GRAMD2B: variants seen among roughly 807,000 people sequenced by gnomAD.
GRAMD2B encodes GRAM domain-containing protein 2B.
Under a neutral mutation model 59.2 loss-of-function variants are expected in GRAMD2B, and 41 were observed. That is an observed-to-expected ratio of 0.69 (90% CI 0.54 to 0.90). GRAMD2B has a LOEUF of 0.90. Ranked by LOEUF, GRAMD2B falls within the 40% of genes least tolerant of loss-of-function variation. GRAMD2B has a pLI of 0.00. For synonymous variants in GRAMD2B, 161 were observed against 182.7 expected (o/e 0.88, Z 0.96); for missense variants, 424 against 500.5 (o/e 0.85, Z 1.46).
chr5:126,423,387 C>T (rs1580888816), upstream of GRAMD2B: 1 of 1,344,458 alleles, frequency 7.4e-7, no homozygotes, highest in East Asian at 3.2e-5. Flanking sequence ...TCCCTCTCGG[C>T]TTTTCCACAG....
At chr5:126,472,807 T>C (rs1428988825) in intron 4 of GRAMD2B, among the ~76,000 whole-genome samples, 1 of 152,174 alleles carries the variant, frequency 6.6e-6, no homozygotes, top group Non-Finnish European at 1.5e-5. Flanking sequence ...TAGCCTCTCT[T>C]GATGTGCAAA....
chr5:126,472,834 T>G (rs932367489), intron 4 of GRAMD2B, among the ~76,000 whole-genome samples: 21 of 152,222 alleles, frequency 1.4e-4, no homozygotes, highest in African/African-American at 4.8e-4. Context: ...GGCAAGATGC[T>G]GGGTTCCTGC....
intron 1 of GRAMD2B, among the ~76,000 whole-genome samples, chr5:126,392,680 T>C (rs1756937167): frequency 6.6e-6 from 1 of 152,172 alleles, no homozygotes; most frequent in African/African-American, 2.4e-5. Context: ...ATTCTTTTTC[T>C]TTTTTAAAAT....
Position 126,387,031 on chromosome 5 carries a change from C to T in GRAMD2B, c.125+15464C>T, listed in dbSNP as rs917899434. Among the ~76,000 whole-genome samples, 7 of 152,036 alleles carry T rather than the reference C, an allele frequency of 4.6e-5. 1 individual carries two copies. The highest frequency in any genetic ancestry group is 1.7e-4 in the African/African-American group (7 of 41,400). On this transcript the variant is annotated intron_variant, in intron 1 of 8. Transcript: ENST00000506445. ...AAGGGAAAACGAAAGGTGCATGAGG[C>T]TTTAAAAAATTATTTACTTTTATGT...
At chr5:126,451,795 A>G (rs1765426705) in intron 1 of GRAMD2B, among the ~76,000 whole-genome samples, 1 of 152,168 alleles carries the variant, frequency 6.6e-6, no homozygotes, top group Non-Finnish European at 1.5e-5. Flanking sequence ...AGATGATTGG[A>G]TCGCAGCAGT....
intron 1 of GRAMD2B, among the ~76,000 whole-genome samples, chr5:126,448,570 A>G (rs1034223868): frequency 4.6e-5 from 7 of 152,172 alleles, no homozygotes; most frequent in Non-Finnish European, 7.3e-5. Context: ...GTGATCTTCC[A>G]TATAGATGGA....
chr5:126,449,798 T>C (rs1258067440), intron 1 of GRAMD2B, among the ~76,000 whole-genome samples: 2 of 152,206 alleles, frequency 1.3e-5, no homozygotes, highest in East Asian at 3.8e-4. Flanking sequence ...TGGTGGGATA[T>C]GGCATGAGAC....
chr5:126,416,257 G>A (rs1434958064), intron 1 of GRAMD2B, among the ~76,000 whole-genome samples: 2 of 152,154 alleles, frequency 1.3e-5, no homozygotes, highest in East Asian at 3.8e-4. Context: ...GAGTCATTTG[G>A]TAAGTAGCAT....
At position 126,448,590 on chromosome 5, in the gene GRAMD2B, G is replaced by A. The variant is rs76192032; in HGVS notation, c.84-16836G>A. On this transcript the variant is annotated intron_variant, in intron 1 of 13. Transcript: ENST00000285689. ...CTTCCATATAGATGGAAGGAGGAGG[G>A]GTCACATATAACTCAAATGAGGTAG... 9.1e-3 allele frequency among the ~76,000 whole-genome samples: 1,392 copies of A among 152,142 alleles called. 19 individuals are homozygous for A. Among genetic ancestry groups the A allele is most frequent in the Admixed American group, 0.044 (672 of 15,272 alleles).
At chr5:126,372,502 T>G (rs1754850996) in intron 1 of GRAMD2B, among the ~76,000 whole-genome samples, 1 of 152,160 alleles carries the variant, frequency 6.6e-6, no homozygotes, top group Non-Finnish European at 1.5e-5. Flanking sequence ...AGAAGTTCTA[T>G]TTTATTTAAT....
At chr5:126,402,309 T>C (rs1027673491) in intron 1 of GRAMD2B, among the ~76,000 whole-genome samples, 2 of 152,106 alleles carry the variant, frequency 1.3e-5, no homozygotes, top group Admixed American at 1.3e-4. Flanking sequence ...TTTTAGCCAA[T>C]GCAGAAAGCC....
At chr5:126,410,647 G>A (rs1758702990) in intron 1 of GRAMD2B, among the ~76,000 whole-genome samples, 1 of 152,102 alleles carries the variant, frequency 6.6e-6, no homozygotes, top group East Asian at 1.9e-4. Flanking sequence ...TCTGTTTTAA[G>A]TTCTTTGAAA....
intron 1 of GRAMD2B, among the ~76,000 whole-genome samples, chr5:126,389,528 G>T (rs543047866): frequency 2.0e-4 from 31 of 152,244 alleles, no homozygotes; most frequent in African/African-American, 7.5e-4. Flanking sequence ...AAGAGCCCCT[G>T]AATGGTTTTT....
chr5:126,371,544 C>G (rs1312216392), exon 1 of GRAMD2B: 1 of 1,289,116 alleles, frequency 7.8e-7, no homozygotes. Context: ...GCTCCACAGA[C>G]AGCCCCAGCT....
intron 1 of GRAMD2B, among the ~76,000 whole-genome samples, chr5:126,408,569 T>C (rs1028780650): frequency 1.3e-5 from 2 of 151,894 alleles, no homozygotes; most frequent in Non-Finnish European, 2.9e-5. Flanking sequence ...GTTTATTCCT[T>C]TGCTCCCTTG....
chr5:126,478,224 G>T (rs1351620095), intron 6 of GRAMD2B, among the ~76,000 whole-genome samples: 2 of 151,154 alleles, frequency 1.3e-5, no homozygotes, highest in African/African-American at 4.9e-5. Context: ...AATTGCTTGA[G>T]CCCAGGAGTT....
intron 1 of GRAMD2B, among the ~76,000 whole-genome samples, chr5:126,451,182 C>T (rs966784337): frequency 4.6e-5 from 7 of 152,264 alleles, no homozygotes; most frequent in Admixed American, 3.9e-4. Context: ...GAGCCCACTC[C>T]TTGCACCAGT....
At chr5:126,379,328 CA>C (rs1271446371) in intron 1 of GRAMD2B, among the ~76,000 whole-genome samples, 5 of 152,152 alleles carry the variant, frequency 3.3e-5, no homozygotes, top group Admixed American at 2.6e-4. Flanking sequence ...GGGCTGGTTC[CA>C]TATTTTTGCA....
At chr5:126,370,022 C>T (rs1156441398), upstream of GRAMD2B, among the ~76,000 whole-genome samples, 3 of 152,148 alleles carry the variant, frequency 2.0e-5, no homozygotes, top group East Asian at 3.9e-4. Context: ...ATAGACCGTG[C>T]TCTGTCAAGG....
Sources: allele counts gnomAD v4.1 joint callset (sites outside exome capture counted in the v4.1 genomes callset), GRCh38; gene constraint gnomAD v4.1.1; transcripts MANE v1.5; gene names NCBI Gene and HGNC (gene_info 2026-07-23, HGNC 2026-07-21).